Variants in GOLPH3L observed in about 807,000 individuals in gnomAD.
GOLPH3L encodes Golgi phosphoprotein 3-like.
A neutral mutation model predicts 30.3 loss-of-function variants in GOLPH3L; 22 were observed. The ratio of observed to expected loss-of-function variants is 0.73; its 90% confidence interval spans 0.52 to 1.04. The LOEUF (loss-of-function observed/expected upper bound fraction) is 1.04, where lower values mean the gene tolerates loss of function less well. Ranked by LOEUF, GOLPH3L falls within the 50% of genes least tolerant of loss-of-function variation. The pLI is 0.00. For missense variants in GOLPH3L, 303 were observed against 345.8 expected (o/e 0.88, Z 0.98); for synonymous variants, 120 against 128.2 (o/e 0.94, Z 0.43).
At chr1:150,649,531 C>T (rs1650057383) in intron 4 of GOLPH3L, among the ~76,000 whole-genome samples, 1 of 152,134 alleles carries the variant, frequency 6.6e-6, no homozygotes, top group Non-Finnish European at 1.5e-5. Context: ...ACCCAAATGG[C>T]AAAGCCTCCA....
At position 150,671,738 on chromosome 1, in the gene GOLPH3L, G is replaced by A. The variant is rs370894429; in HGVS notation, c.184-7975C>T. ...GGAGAATCGCTTGAACCTGGGAGGC[G>A]GAGGTTGCAGTGAGCCGAGATCGCA... On this transcript the variant is annotated intron_variant, in intron 2 of 4. Transcript: ENST00000271732. 1.1e-3 allele frequency among the ~76,000 whole-genome samples: 164 copies of A among 149,132 alleles called. 2 individuals carry two copies. The South Asian group carries it at 0.023, about 21-fold the overall frequency.
chr1:150,646,576 A>G lies in GOLPH3L; in HGVS notation c.*1745T>C, dbSNP rs752878957. ...CATTTAGAGACTGTTTCCTATTACA[A>G]TTTATATCTCTATTTGCCTAAGAGA... On this transcript the variant is annotated 3_prime_UTR_variant, in exon 5 of 5. Transcript: ENST00000271732. The G allele has an allele frequency of 4.6e-5, 7 of 152,208 alleles. No homozygotes were observed. The highest frequency in any genetic ancestry group is 1.0e-4 in the Non-Finnish European group (7 of 68,036). 9.4% of individuals were successfully genotyped at this position (152,208 alleles called of 1,614,324 possible).
intron 4 of GOLPH3L, among the ~76,000 whole-genome samples, chr1:150,650,897 T>G (rs986931311): frequency 1.3e-5 from 2 of 152,234 alleles, no homozygotes; most frequent in Non-Finnish European, 2.9e-5. Context: ...GGAAACTGCC[T>G]TTGAGAACGC....
chr1:150,652,006 A>G (rs1026244306), intron 4 of GOLPH3L, among the ~76,000 whole-genome samples: 3 of 152,192 alleles, frequency 2.0e-5, no homozygotes, highest in Non-Finnish European at 4.4e-5. Context: ...AGAGACCCAT[A>G]TCCAACATCA....
intron 4 of GOLPH3L, among the ~76,000 whole-genome samples, chr1:150,652,527 T>C (rs1359982039): frequency 6.6e-6 from 1 of 151,732 alleles, no homozygotes; most frequent in East Asian, 1.9e-4. Flanking sequence ...TAAGAAATAT[T>C]AATACTAAAA....
At chr1:150,693,025 TG>T (rs1297839993) in intron 2 of GOLPH3L, among the ~76,000 whole-genome samples, 5 of 152,224 alleles carry the variant, frequency 3.3e-5, no homozygotes, top group Non-Finnish European at 7.3e-5. Flanking sequence ...CTTGGAGAGC[TG>T]GTTTTGCCTT....
chr1:150,662,989 C>G (rs1185618675), intron 3 of GOLPH3L, among the ~76,000 whole-genome samples: 1 of 151,976 alleles, frequency 6.6e-6, no homozygotes, highest in Non-Finnish European at 1.5e-5. Context: ...TAATCAATGA[C>G]TGACCTGACC....
intron 3 of GOLPH3L, among the ~76,000 whole-genome samples, chr1:150,663,128 G>T (rs1376672107): frequency 6.6e-6 from 1 of 151,694 alleles, no homozygotes; most frequent in Non-Finnish European, 1.5e-5. Flanking sequence ...TCCACCTTCC[G>T]GGTTCACGCC....
chr1:150,694,352 C>T (rs587706486), intron 2 of GOLPH3L, among the ~76,000 whole-genome samples: 6 of 152,154 alleles, frequency 3.9e-5, no homozygotes, highest in Admixed American at 6.5e-5. Flanking sequence ...CTTTAATAAA[C>T]GGTATTATTT....
chr1:150,676,935 G>A (rs779353606), intron 2 of GOLPH3L, among the ~76,000 whole-genome samples: 101 of 151,278 alleles, frequency 6.7e-4, no homozygotes, highest in South Asian at 6.3e-4. Context: ...GTGAGCCACC[G>A]TGCCCAGCCT....
At chr1:150,673,167 A>ATTTTTATTT (rs1186872932) in intron 2 of GOLPH3L, among the ~76,000 whole-genome samples, 7 of 152,112 alleles carry the variant, frequency 4.6e-5, no homozygotes, top group Non-Finnish European at 8.8e-5. Context: ...TACCCTAAAA[A>ATTTTTATTT]TTTTTATTTT....
intron 2 of GOLPH3L, among the ~76,000 whole-genome samples, chr1:150,677,593 A>G (rs587611910): frequency 9.2e-5 from 14 of 152,086 alleles, no homozygotes; most frequent in Admixed American, 2.6e-4. Flanking sequence ...ACAGAAAAAA[A>G]ATGAAGTGAA....
At chr1:150,654,038 C>T (rs587757116) in intron 4 of GOLPH3L, among the ~76,000 whole-genome samples, 1 of 151,952 alleles carries the variant, frequency 6.6e-6, no homozygotes, top group South Asian at 2.1e-4. Flanking sequence ...GCTGGGATTA[C>T]AGGTGTGAGC....
At chr1:150,679,645 A>G (rs1288491699) in intron 2 of GOLPH3L, among the ~76,000 whole-genome samples, 1 of 152,316 alleles carries the variant, frequency 6.6e-6, no homozygotes, top group South Asian at 2.1e-4. Context: ...AAGAAAATAA[A>G]AAAAATTAGC....
At chr1:150,649,219 T>C (rs1650051175) in intron 4 of GOLPH3L, among the ~76,000 whole-genome samples, 1 of 152,140 alleles carries the variant, frequency 6.6e-6, no homozygotes, top group South Asian at 2.1e-4. Context: ...TGTTCGTAGA[T>C]TAGAGATTCT....
At chr1:150,686,150 G>GCTAT (rs1651082087) in intron 2 of GOLPH3L, among the ~76,000 whole-genome samples, 2 of 152,116 alleles carry the variant, frequency 1.3e-5, no homozygotes, top group African/African-American at 2.4e-5. Context: ...TAGGATTACA[G>GCTAT]GCGTGAGCTA....
At chr1:150,653,455 CTTTTTTTT>C (rs71086589) in intron 4 of GOLPH3L, among the ~76,000 whole-genome samples, 9 of 62,640 alleles carry the variant, frequency 1.4e-4, no homozygotes, top group Admixed American at 3.7e-4. Context: ...TTGAAAGCAA[CTTTTTTTT>C]TTTTTTTTTT....
At chr1:150,675,222 T>TA in intron 2 of GOLPH3L, among the ~76,000 whole-genome samples, 1 of 152,128 alleles carries the variant, frequency 6.6e-6, no homozygotes, top group South Asian at 2.1e-4. Context: ...GCAATTATGT[T>TA]ACGTTCAAAC....
chr1:150,695,617 A>G (rs963496906), intron 1 of GOLPH3L, among the ~76,000 whole-genome samples: 2 of 152,222 alleles, frequency 1.3e-5, no homozygotes, highest in Non-Finnish European at 2.9e-5. Context: ...CCATGGTACT[A>G]CATTATAAAA....
Sources: allele counts gnomAD v4.1 joint callset (sites outside exome capture counted in the v4.1 genomes callset), GRCh38; gene constraint gnomAD v4.1.1; transcripts MANE v1.5; gene names NCBI Gene and HGNC (gene_info 2026-07-23, HGNC 2026-07-21).